Variants in BACH2 observed in about 807,000 individuals in gnomAD.
BACH2 encodes transcription regulator protein BACH2.
BACH2 carries 5 observed loss-of-function variants against 61.8 expected under a neutral mutation model. That is an observed-to-expected ratio of 0.08 (90% CI 0.04 to 0.17). The LOEUF (loss-of-function observed/expected upper bound fraction) is 0.17, where lower values mean the gene tolerates loss of function less well. Ranked by LOEUF, BACH2 falls within the 10% of genes least tolerant of loss-of-function variation. The pLI is 1.00. For missense variants in BACH2, 824 were observed against 1,091.1 expected (o/e 0.76, Z 3.45); for synonymous variants, 446 against 440.1 (o/e 1.01, Z -0.17).
At chr6:89,984,214 A>G (rs755203273) in intron 6 of BACH2, among the ~76,000 whole-genome samples, 1 of 152,190 alleles carries the variant, frequency 6.6e-6, no homozygotes, top group Non-Finnish European at 1.5e-5. Context: ...CTGTAGGAGA[A>G]TATCTACAAT....
chr6:90,073,215 G>C (rs2127802184), intron 5 of BACH2, among the ~76,000 whole-genome samples: 1 of 152,330 alleles, frequency 6.6e-6, no homozygotes, highest in African/African-American at 2.4e-5. Context: ...TAGAAGGCAT[G>C]TTTACTACTG....
At chr6:90,050,495 A>G (rs1196832854) in intron 5 of BACH2, among the ~76,000 whole-genome samples, 1 of 152,212 alleles carries the variant, frequency 6.6e-6, no homozygotes, top group Non-Finnish European at 1.5e-5. Context: ...GACATATCAC[A>G]AGATTGAACA....
Position 89,950,300 on chromosome 6 carries a change from C to T in BACH2, c.1806G>A (p.Glu602=), listed in dbSNP as rs369633219. ...GGCCCCTGTCCTGCACAGGACACGA[C>T]TCACTGTCTGCTTCCGAGAACGATC... ...ESGSFSEADS[E]SCPVQDRGQE... is the part of the protein sequence containing the mutation. Residue 602 remains glutamate, a synonymous_variant, in exon 7 of 9, where the codon GAG becomes GAA. Transcript: ENST00000257749. This position sits in a 1 kb window ranked among gnomAD's most constrained non-coding sequence, Gnocchi z 5.3. 4 of 1,614,062 alleles carry T rather than the reference C, an allele frequency of 2.5e-6. No homozygotes were observed. Among genetic ancestry groups the T allele is most frequent in the Non-Finnish European group, 3.4e-6 (4 of 1,180,048 alleles).
At chr6:90,289,264 C>A (rs1216722216) in intron 1 of BACH2, among the ~76,000 whole-genome samples, 1 of 152,046 alleles carries the variant, frequency 6.6e-6, no homozygotes, top group Non-Finnish European at 1.5e-5. Context: ...AGAGAACAGG[C>A]CCAAGCATCA....
intron 5 of BACH2, among the ~76,000 whole-genome samples, chr6:90,044,044 T>A (rs552594677): frequency 6.6e-6 from 1 of 152,318 alleles, no homozygotes; most frequent in East Asian, 1.9e-4. Flanking sequence ...CATGATGCCA[T>A]GTACTGTTCT....
intron 4 of BACH2, among the ~76,000 whole-genome samples, chr6:90,129,083 G>A (rs1462145490): frequency 1.3e-5 from 2 of 152,096 alleles, no homozygotes; most frequent in South Asian, 2.1e-4. Flanking sequence ...TGGGGGAAGG[G>A]TGAAGGGATA....
intron 3 of BACH2, among the ~76,000 whole-genome samples, chr6:90,245,140 A>C (rs1360751525): frequency 4.6e-5 from 7 of 152,126 alleles, no homozygotes; most frequent in African/African-American, 1.7e-4. Context: ...CAGAGGTTAC[A>C]GTCAGCTGAG....
At chr6:90,251,421 C>T (rs1409772629) in intron 3 of BACH2, among the ~76,000 whole-genome samples, 1 of 152,016 alleles carries the variant, frequency 6.6e-6, no homozygotes, top group Admixed American at 6.6e-5. Context: ...TATTTTTAGC[C>T]TTTTGTACTT....
At chr6:90,167,106 CTGTT>C (rs1453272041) in intron 4 of BACH2, among the ~76,000 whole-genome samples, 1 of 152,098 alleles carries the variant, frequency 6.6e-6, no homozygotes, top group Non-Finnish European at 1.5e-5. Flanking sequence ...AGGAAGGAGT[CTGTT>C]TGACCCTCAC....
chr6:90,208,888 T>C (rs1582486777), intron 3 of BACH2, among the ~76,000 whole-genome samples: 1 of 152,000 alleles, frequency 6.6e-6, no homozygotes, highest in East Asian at 1.9e-4. Flanking sequence ...AAAGGATGAG[T>C]TCATGTCCTT....
chr6:90,219,963 G>GT (rs909554135), intron 3 of BACH2, among the ~76,000 whole-genome samples: 191 of 147,498 alleles, frequency 1.3e-3, no homozygotes, highest in Admixed American at 2.6e-3. Context: ...ATTTTTCTGA[G>GT]TTTTTTTTTT....
At chr6:90,253,572 C>A (rs1275917581) in intron 2 of BACH2, among the ~76,000 whole-genome samples, 2 of 152,136 alleles carry the variant, frequency 1.3e-5, no homozygotes, top group Admixed American at 1.3e-4. Context: ...AGTGCTATGT[C>A]CCTCATGAAA....
At chr6:90,072,357 G>T (rs74718851) in intron 5 of BACH2, among the ~76,000 whole-genome samples, 1 of 152,148 alleles carries the variant, frequency 6.6e-6, no homozygotes, top group Admixed American at 6.5e-5. Flanking sequence ...GCCACAGGCT[G>T]GACCACAGTG....
At chr6:90,185,672 G>A (rs1342278569) in intron 4 of BACH2, among the ~76,000 whole-genome samples, 7 of 152,186 alleles carry the variant, frequency 4.6e-5, no homozygotes, top group Non-Finnish European at 1.0e-4. Flanking sequence ...AACGACATCT[G>A]ATGATGGGTT....
chr6:90,057,328 G>A (rs1381733442), intron 5 of BACH2, among the ~76,000 whole-genome samples: 1 of 152,168 alleles, frequency 6.6e-6, no homozygotes, highest in Non-Finnish European at 1.5e-5. Context: ...ACTACCATCA[G>A]AGAATATGAT....
At chr6:90,273,473 T>G (rs1453283241) in intron 1 of BACH2, among the ~76,000 whole-genome samples, 1 of 152,174 alleles carries the variant, frequency 6.6e-6, no homozygotes, top group Non-Finnish European at 1.5e-5. Context: ...CAGTAAGCAC[T>G]CCATTAAGTG....
intron 3 of BACH2, among the ~76,000 whole-genome samples, chr6:90,226,542 C>T (rs528706832): frequency 6.6e-6 from 1 of 152,212 alleles, no homozygotes; most frequent in South Asian, 2.1e-4. Flanking sequence ...TGACTCTAGT[C>T]CCAACGTCAC....
Position 90,084,907 on chromosome 6 carries a change from C to A in BACH2, c.-13+4054G>T, listed in dbSNP as rs562436004. Reference sequence around the variant, plus strand: ...ATAGATGACTCTTCAGGAATTCTAACCCCTGGTCAGCCCTAGGGGTAGAGG... The same window carrying A: ...ATAGATGACTCTTCAGGAATTCTAAACCCTGGTCAGCCCTAGGGGTAGAGG... On this transcript the variant is annotated intron_variant, in intron 5 of 8. Coordinates refer to ENST00000257749, the MANE Select transcript of BACH2 (RefSeq NM_021813.4). 1.3e-4 allele frequency among the ~76,000 whole-genome samples: 20 copies of A among 152,164 alleles called. 1 individual carries two copies. In the East Asian group the frequency reaches 1.9e-3, roughly 15 times the overall value.
At chr6:89,979,882 C>T (rs1187433145) in intron 6 of BACH2, among the ~76,000 whole-genome samples, 2 of 152,070 alleles carry the variant, frequency 1.3e-5, no homozygotes, top group African/African-American at 2.4e-5. Flanking sequence ...ACTGGGCTAC[C>T]GAAAATGTAA....
Sources: allele counts gnomAD v4.1 joint callset (sites outside exome capture counted in the v4.1 genomes callset), GRCh38; gene constraint gnomAD v4.1.1; non-coding constraint Gnocchi (gnomAD v3.1); transcripts MANE v1.5; gene names NCBI Gene and HGNC (gene_info 2026-07-23, HGNC 2026-07-21).